The following CYP39A1 variants were observed in gnomAD, a reference collection of about 807,000 sequenced individuals.
CYP39A1 encodes the protein 24-hydroxycholesterol 7-alpha-hydroxylase.
CYP39A1 carries 49 observed loss-of-function variants against 58.1 expected under a neutral mutation model. The ratio of observed to expected loss-of-function variants is 0.84; its 90% CI spans 0.67 to 1.07. CYP39A1 has a LOEUF of 1.07. Ranked by LOEUF, CYP39A1 falls within the 50% of genes least tolerant of loss-of-function variation. The probability of loss-of-function intolerance (pLI) is 0.00; values close to 1 mark genes in which losing one functional copy is unlikely to be tolerated. For synonymous variants in CYP39A1, 209 were observed against 187.6 expected (o/e 1.11, Z -0.93); for missense variants, 531 against 539.4 (o/e 0.98, Z 0.16).
chr6:46,596,021 AT>A lies in CYP39A1; in HGVS notation c.1030del (p.Ile344LeufsTer6). On this transcript the variant is annotated frameshift_variant, in exon 8 of 12. Coordinates refer to ENST00000275016, the MANE Select transcript of CYP39A1 (RefSeq NM_016593.5). LOFTEE classifies it high-confidence loss of function. ...ETIRLKAPGVITRKVVKPVEI... is the reference protein window; with the variant it reads ...ETIRLKAPGVXTRKVVKPVEI... ...CACAGGCTTCACCACTTTTCTAGTA[AT>A]GACACCAGGAGCTTTTAAACGAATG... The A allele has an allele frequency of 6.2e-7, 1 of 1,611,478 alleles. No individual in the cohort carries two copies. Among genetic ancestry groups the A allele is most frequent in the South Asian group, 1.1e-5 (1 of 90,384 alleles).
In CYP39A1 at chr6:46,600,182, G is replaced by T. The variant is rs565357417; in HGVS notation, c.932-4062C>A. 1.9e-4 allele frequency among the ~76,000 whole-genome samples: 29 copies of T among 151,846 alleles called. No homozygotes were observed. In the South Asian group the frequency reaches 6.0e-3, roughly 32 times the overall value. ...CTCGCTCTGTTACCCAAGTTGGAGTGCAGTGGAGCGATCTTGGCTCACTAC... is the reference window on the plus strand; with the variant it reads ...CTCGCTCTGTTACCCAAGTTGGAGTTCAGTGGAGCGATCTTGGCTCACTAC... On this transcript the variant is annotated intron_variant, in intron 7 of 11. Transcript: ENST00000275016.
intron 8 of CYP39A1, among the ~76,000 whole-genome samples, chr6:46,591,118 A>C (rs1772806988): frequency 6.6e-6 from 1 of 152,176 alleles, no homozygotes; most frequent in African/African-American, 2.4e-5. Flanking sequence ...ACTATAATTT[A>C]TGAGAATGTA....
intron 1 of CYP39A1, among the ~76,000 whole-genome samples, chr6:46,643,153 G>A (rs1458554040): frequency 1.3e-5 from 2 of 151,720 alleles, no homozygotes; most frequent in African/African-American, 4.8e-5. Flanking sequence ...GACCTTGTTG[G>A]GAAAAAAAAG....
chr6:46,646,396 T>G (rs981155718), intron 1 of CYP39A1, among the ~76,000 whole-genome samples: 9 of 152,120 alleles, frequency 5.9e-5, no homozygotes, highest in African/African-American at 2.2e-4. Flanking sequence ...CTTTAGCTTG[T>G]TAATACAGCA....
intron 8 of CYP39A1, among the ~76,000 whole-genome samples, chr6:46,592,909 T>A (rs962521197): frequency 6.6e-6 from 1 of 152,126 alleles, no homozygotes; most frequent in African/African-American, 2.4e-5. Flanking sequence ...TGAGCCAAGA[T>A]CATGTCACTG....
chr6:46,650,014 G>C (rs991900661), intron 1 of CYP39A1, among the ~76,000 whole-genome samples: 2 of 151,720 alleles, frequency 1.3e-5, no homozygotes, highest in African/African-American at 4.8e-5. Flanking sequence ...ATGCAATTTC[G>C]CATCAAGTCT....
chr6:46,583,041 C>T (rs968479755), intron 10 of CYP39A1: 1 of 984,576 alleles, frequency 1.0e-6, no homozygotes, highest in Non-Finnish European at 1.2e-6. Flanking sequence ...GAACTCAAGA[C>T]AAGCCCATGA....
At chr6:46,574,144 T>C (rs1771735834) in intron 10 of CYP39A1, among the ~76,000 whole-genome samples, 2 of 152,204 alleles carry the variant, frequency 1.3e-5, no homozygotes, top group African/African-American at 2.4e-5. Context: ...TTTTATGTTA[T>C]CAGCTTCAGC....
At chr6:46,621,753 A>G (rs1774969625) in intron 7 of CYP39A1, among the ~76,000 whole-genome samples, 1 of 152,166 alleles carries the variant, frequency 6.6e-6, no homozygotes, top group African/African-American at 2.4e-5. Flanking sequence ...AATAATATCA[A>G]TCTTTCATAA....
At chr6:46,607,478 C>T (rs1326653332) in intron 7 of CYP39A1, among the ~76,000 whole-genome samples, 1 of 151,688 alleles carries the variant, frequency 6.6e-6, no homozygotes, top group Non-Finnish European at 1.5e-5. Context: ...CACACACACA[C>T]ACACACACAC....
chr6:46,566,840 A>G (rs1371953109), intron 10 of CYP39A1, among the ~76,000 whole-genome samples: 5 of 151,944 alleles, frequency 3.3e-5, no homozygotes, highest in Non-Finnish European at 7.4e-5. Context: ...ATGATTATAT[A>G]TATATATATA....
At chr6:46,608,923 CTTTATAACAGTT>C in intron 7 of CYP39A1, among the ~76,000 whole-genome samples, 1 of 151,946 alleles carries the variant, frequency 6.6e-6, no homozygotes. Flanking sequence ...CTACAACAGG[CTTTATAACAGTT>C]ATTTATAGAT....
At chr6:46,640,623 A>G (rs1776272715) in intron 2 of CYP39A1, among the ~76,000 whole-genome samples, 1 of 151,686 alleles carries the variant, frequency 6.6e-6, no homozygotes, top group Non-Finnish European at 1.5e-5. Flanking sequence ...AAAAATTTTG[A>G]ATTTTATTTT....
intron 7 of CYP39A1, among the ~76,000 whole-genome samples, chr6:46,603,353 T>C (rs890000331): frequency 2.6e-5 from 4 of 152,372 alleles, no homozygotes; most frequent in Middle Eastern, 6.8e-3. Flanking sequence ...TGTTTACTTA[T>C]ATAAATTGAC....
chr6:46,619,001 TAC>T (rs1774792061), intron 7 of CYP39A1, among the ~76,000 whole-genome samples: 3 of 152,148 alleles, frequency 2.0e-5, no homozygotes, highest in Non-Finnish European at 4.4e-5. Flanking sequence ...GAAACCACTC[TAC>T]AGTTTAGAGC....
intron 10 of CYP39A1, among the ~76,000 whole-genome samples, chr6:46,574,615 G>A (rs1354806795): frequency 6.6e-6 from 1 of 152,118 alleles, no homozygotes; most frequent in African/African-American, 2.4e-5. Context: ...ATTCAGTTAA[G>A]ATGAGATGAG....
intron 2 of CYP39A1, among the ~76,000 whole-genome samples, chr6:46,640,036 C>T (rs2150595317): frequency 6.6e-6 from 1 of 152,288 alleles, no homozygotes; most frequent in African/African-American, 2.4e-5. Flanking sequence ...CGCTTGAACC[C>T]AGGAGTTGGA....
chr6:46,597,831 T>A (rs535869703), intron 7 of CYP39A1, among the ~76,000 whole-genome samples: 3 of 152,098 alleles, frequency 2.0e-5, no homozygotes, highest in Non-Finnish European at 1.5e-5. Flanking sequence ...ACCTCAACAA[T>A]GAAACAGTGA....
chr6:46,611,669 A>G (rs1176066979), intron 7 of CYP39A1, among the ~76,000 whole-genome samples: 3 of 152,212 alleles, frequency 2.0e-5, no homozygotes, highest in Admixed American at 6.5e-5. Flanking sequence ...ATGCCTCATA[A>G]TCATGATTTT....
Sources: allele counts gnomAD v4.1 joint callset (sites outside exome capture counted in the v4.1 genomes callset), GRCh38; gene constraint gnomAD v4.1.1; transcripts MANE v1.5; gene names NCBI Gene and HGNC (gene_info 2026-07-23, HGNC 2026-07-21).